REL: variants seen among roughly 807,000 people sequenced by gnomAD.
REL encodes the protein proto-oncogene c-Rel.
Under a neutral mutation model 45.9 loss-of-function variants are expected in REL, and 15 were observed. The observed-to-expected ratio is 0.33, with a 90% CI of 0.22 to 0.50. The LOEUF is 0.50. Ranked by LOEUF, REL falls within the 20% of genes least tolerant of loss-of-function variation. The pLI is 0.98. For missense variants in REL, 601 were observed against 715.2 expected (o/e 0.84, Z 1.82); for synonymous variants, 239 against 242.1 (o/e 0.99, Z 0.12).
intron 4 of REL, among the ~76,000 whole-genome samples, chr2:60,905,444 G>T (rs1673618439): frequency 6.6e-6 from 1 of 152,138 alleles, no homozygotes; most frequent in African/African-American, 2.4e-5. Context: ...TTCTCAATTT[G>T]AATGTGCATA....
chr2:60,905,013 T>C (rs1166554504), intron 4 of REL, among the ~76,000 whole-genome samples: 2 of 152,212 alleles, frequency 1.3e-5, no homozygotes, highest in Non-Finnish European at 2.9e-5. Flanking sequence ...CCATGCCGCC[T>C]GGATGAATAT....
At chr2:60,887,319 A>AT (rs200499876) in intron 1 of REL, among the ~76,000 whole-genome samples, 27 of 151,356 alleles carry the variant, frequency 1.8e-4, no homozygotes, top group East Asian at 1.2e-3. Flanking sequence ...ATAAAGCACT[A>AT]TTTTTTTTTC....
intron 1 of REL, among the ~76,000 whole-genome samples, chr2:60,882,597 C>T (rs1672972191): frequency 6.6e-6 from 1 of 151,984 alleles, no homozygotes; most frequent in Admixed American, 6.6e-5. Context: ...ATCGCTTGAA[C>T]CTGGGAGGTG....
chr2:60,886,285 C>T (rs1176391176), intron 1 of REL, among the ~76,000 whole-genome samples: 1 of 152,156 alleles, frequency 6.6e-6, no homozygotes, highest in Non-Finnish European at 1.5e-5. Flanking sequence ...TGTACATCCC[C>T]AGTATGAACT....
chr2:60,906,929 T>TTC (rs70959874), intron 4 of REL, among the ~76,000 whole-genome samples: 5 of 145,566 alleles, frequency 3.4e-5, no homozygotes, highest in African/African-American at 1.3e-4. Flanking sequence ...TTTTTTTTTT[T>TTC]CTTTTCCGAG....
chr2:60,930,263 C>T lies in REL; in HGVS notation c.*7728C>T, dbSNP rs374161926. 2 of 152,362 alleles carry T rather than the reference C, an allele frequency of 1.3e-5. No individual in the cohort carries two copies. The highest frequency in any genetic ancestry group is 2.4e-5 in the African/African-American group (1 of 41,520). The allele number at this position is 152,362 out of a possible 1,614,324, so 9.4% of individuals were successfully genotyped here. A position where few individuals can be genotyped will look rare whatever the true frequency, so the allele number is the denominator to read the frequency against. Reference sequence around the variant, plus strand: ...ACCAATATCTGTATATCCTATGTCCCGGATTAATCTTTAATTTAGATACTC... The same window carrying T: ...ACCAATATCTGTATATCCTATGTCCTGGATTAATCTTTAATTTAGATACTC... On this transcript the variant is annotated 3_prime_UTR_variant, in exon 10 of 10. Transcript: ENST00000394479.
At chr2:60,917,497 G>A (rs1390597887) in intron 5 of REL, among the ~76,000 whole-genome samples, 2 of 147,610 alleles carry the variant, frequency 1.4e-5, no homozygotes, top group African/African-American at 2.5e-5. Context: ...AAACTGTACT[G>A]CAATACATAT....
chr2:60,925,092 A>G lies in REL; in HGVS notation c.*2557A>G, dbSNP rs1003048696. ...TCATTATATTTTATTATTACAGATT[A>G]AAGTTGGGCAGTAATCTTAATTATG... is the stretch of plus-strand genomic sequence containing the variant. On this transcript the variant is annotated 3_prime_UTR_variant, in exon 10 of 10. Coordinates refer to ENST00000394479, the MANE Select transcript of REL (RefSeq NM_001291746.2). 1 of 198,180 alleles carries G rather than the reference A, an allele frequency of 5.0e-6. No individual in the cohort carries two copies. The highest frequency in any genetic ancestry group is 1.9e-4 in the South Asian group (1 of 5,262). 12.3% of individuals were successfully genotyped at this position (198,180 alleles called of 1,614,324 possible).
intron 5 of REL, among the ~76,000 whole-genome samples, chr2:60,917,441 A>C (rs1450730063): frequency 6.6e-6 from 1 of 151,862 alleles, no homozygotes; most frequent in Non-Finnish European, 1.5e-5. Context: ...CCCTCTTACA[A>C]GGCATTTGGT....
intron 1 of REL, among the ~76,000 whole-genome samples, chr2:60,891,060 T>C (rs1673197248): frequency 6.6e-6 from 1 of 152,222 alleles, no homozygotes; most frequent in African/African-American, 2.4e-5. Flanking sequence ...AGAAAAGGTT[T>C]GCATGGGACT....
chr2:60,918,649 G>A (rs1400661981), intron 7 of REL, 43 bp downstream of exon 7: 19 of 1,310,082 alleles, frequency 1.5e-5, no homozygotes, highest in Non-Finnish European at 2.0e-5. Context: ...TTCTTGAAGT[G>A]GTCCTGCTAA....
rs574343683 is a variant in REL at position 60,904,571 on chromosome 2, C to A, written c.394+3488C>A. ...GGGCAACAAGAGTGAAACTCCATCT[C>A]AAAAAAAATAATTAAAAAAAAAAAA... On this transcript the variant is annotated intron_variant, in intron 4 of 9. Coordinates refer to ENST00000394479, the MANE Select transcript of REL (RefSeq NM_001291746.2). 1.0e-4 allele frequency among the ~76,000 whole-genome samples: 15 copies of A among 146,066 alleles called. 1 individual carries two copies. Among genetic ancestry groups the A allele is most frequent in the African/African-American group, 3.8e-4 (15 of 39,098 alleles).
At chr2:60,921,503 G>T (rs1020370608) in intron 9 of REL, among the ~76,000 whole-genome samples, 5 of 152,066 alleles carry the variant, frequency 3.3e-5, no homozygotes, top group African/African-American at 1.2e-4. Flanking sequence ...ATATTTAATT[G>T]AAGTGAAATT....
rs540507065 is a variant in REL at position 60,890,839 on chromosome 2, C to T, written c.11-844C>T. 1.4e-4 allele frequency among the ~76,000 whole-genome samples: 21 copies of T among 152,240 alleles called. No individual in the cohort carries two copies. The East Asian group carries it at 2.9e-3, about 21-fold the overall frequency. ...TCTTAGGCAACCAGTGATCTGCTATCGTTCATTGTATATTACTTTACATAT... is the reference window on the plus strand; with the variant it reads ...TCTTAGGCAACCAGTGATCTGCTATTGTTCATTGTATATTACTTTACATAT... On this transcript the variant is annotated intron_variant, in intron 1 of 9. Transcript: ENST00000394479.
chr2:60,886,830 A>T (rs1558785196), intron 1 of REL, among the ~76,000 whole-genome samples: 1 of 152,338 alleles, frequency 6.6e-6, no homozygotes, highest in Admixed American at 6.5e-5. Context: ...AAGCGCAAAT[A>T]AAAACATAGA....
At position 60,894,536 on chromosome 2, in the gene REL, G is replaced by C; in HGVS notation, c.293G>C (p.Arg98Thr). ...YYEAEFGQER[R>T]PLFFQNLGIR... ...GAAGCAGAATTTGGACAAGAACGCA[G>C]ACCTTTGTTGTAAGTACACAGTTAC... is the stretch of plus-strand genomic sequence containing the variant. The change falls in exon 3 of 10, where the codon AGA becomes ACA. Residue 98 changes from arginine (R) to threonine (T), a missense_variant. Physicochemically the swap from Arg to Thr is moderately conservative, Grantham distance 71. Coordinates refer to ENST00000394479, the MANE Select transcript of REL (RefSeq NM_001291746.2). 19 of 1,594,712 alleles carry C rather than the reference G, an allele frequency of 1.2e-5. No homozygotes were observed. The highest frequency in any genetic ancestry group is 1.6e-5 in the Non-Finnish European group (19 of 1,171,742).
intron 2 of REL, among the ~76,000 whole-genome samples, chr2:60,892,666 G>A (rs1673244969): frequency 6.6e-6 from 1 of 151,952 alleles, no homozygotes; most frequent in Admixed American, 6.6e-5. Flanking sequence ...TTGACATCAG[G>A]TGATCCACCC....
At chr2:60,914,988 C>A (rs556998868) in intron 4 of REL, among the ~76,000 whole-genome samples, 2 of 152,006 alleles carry the variant, frequency 1.3e-5, no homozygotes, top group Admixed American at 6.6e-5. Context: ...CCCGCCACCA[C>A]GCCTGGCTAA....
intron 5 of REL, among the ~76,000 whole-genome samples, chr2:60,917,501 T>A (rs1442455612): frequency 6.6e-6 from 1 of 151,194 alleles, no homozygotes; most frequent in African/African-American, 2.4e-5. Flanking sequence ...TGTACTGCAA[T>A]ACATATTCTT....
Sources: allele counts gnomAD v4.1 joint callset (sites outside exome capture counted in the v4.1 genomes callset), GRCh38; gene constraint gnomAD v4.1.1; transcripts MANE v1.5; gene names NCBI Gene and HGNC (gene_info 2026-07-23, HGNC 2026-07-21).